The following ZNF185 variants were observed in gnomAD, a reference collection of about 807,000 sequenced individuals.
ZNF185 encodes the protein zinc finger protein 185 with LIM domain, also known as zinc finger protein 185.
ZNF185 carries 56 observed loss-of-function variants against 58.6 expected under a neutral mutation model. That is an observed-to-expected ratio of 0.95 (90% CI 0.77 to 1.19). ZNF185 has a LOEUF of 1.19. Among genes scored for constraint, ZNF185 ranks in the 50% most tolerant of loss-of-function variants. The pLI, the probability that ZNF185 is intolerant of heterozygous loss-of-function variation, is 0.00. For missense variants in ZNF185, 627 were observed against 573.5 expected (o/e 1.09, Z -0.95); for synonymous variants, 230 against 215.9 (o/e 1.07, Z -0.57).
intron 15 of ZNF185, 144 bp downstream of exon 17, chrX:152,938,307 C>G: frequency 7.9e-6 from 4 of 509,115 alleles, no homozygotes; most frequent in Non-Finnish European, 9.5e-6. Context: ...GAAGCCCCAA[C>G]CAGAACCCTC....
intron 18 of ZNF185, among the ~76,000 whole-genome samples, 175 bp downstream of exon 20, chrX:152,964,124 A>G (rs782356609): frequency 8.9e-6 from 1 of 112,468 alleles, no homozygotes; most frequent in African/African-American, 3.2e-5. Flanking sequence ...ATAAACTCCC[A>G]TCTACCGGGC....
At chrX:152,951,085 A>T (rs2048254930) in intron 16 of ZNF185, among the ~76,000 whole-genome samples, 1 of 92,402 alleles carries the variant, frequency 1.1e-5, no homozygotes, top group Non-Finnish European at 2.1e-5. Flanking sequence ...ATGATCAAGA[A>T]TTTTTTTTTT....
chrX:152,920,678 A>C (rs201795454), intron 8 of ZNF185, 29 bp from the exon 10 acceptor site: 1 of 1,210,669 alleles, frequency 8.3e-7, no homozygotes. Context: ...GGCTCTGCCC[A>C]AAGCATTGCC....
chrX:152,956,151 G>A (rs2048805499), intron 16 of ZNF185, among the ~76,000 whole-genome samples: 1 of 111,754 alleles, frequency 8.9e-6, no homozygotes, highest in Non-Finnish European at 1.9e-5. Flanking sequence ...TGAAACCTTT[G>A]AGAGAATACA....
intron 15 of ZNF185, among the ~76,000 whole-genome samples, chrX:152,939,166 G>A (rs145383105): frequency 3.6e-5 from 4 of 112,171 alleles, no homozygotes; most frequent in African/African-American, 1.3e-4. Context: ...ATGCATGTTT[G>A]CATTTTCATA....
upstream of ZNF185, among the ~76,000 whole-genome samples, chrX:152,909,723 C>T (rs1936841426): frequency 8.9e-6 from 1 of 112,198 alleles, no homozygotes; most frequent in Admixed American, 9.4e-5. Flanking sequence ...GGAAGAGGCC[C>T]AGGCTGCAGC....
intron 16 of ZNF185, 128 bp downstream of exon 18, chrX:152,945,592 T>C: frequency 1.3e-6 from 1 of 756,724 alleles, no homozygotes; most frequent in Admixed American, 3.8e-5. Context: ...CAGGCTCCTG[T>C]TCTGTGAGTG....
chrX:152,917,878 C>T (rs1398640926), intron 5 of ZNF185, 187 bp from the exon 7 acceptor site: 40 of 1,079,738 alleles, frequency 3.7e-5, no homozygotes, highest in Admixed American at 7.7e-5. Context: ...CCCTGAAGCT[C>T]GGTGGGGTTT....
rs144502717 is a variant in ZNF185, at chrX:152,927,227, A to G, written c.831-1348A>G. 1.2e-4 allele frequency among the ~76,000 whole-genome samples: 13 copies of G among 112,704 alleles called. No individual in the cohort carries two copies. In the East Asian group the frequency reaches 3.1e-3, roughly 27 times the overall value. On this transcript the variant is annotated intron_variant, in intron 11 of 22. Coordinates refer to ENST00000449285, the Ensembl canonical transcript of ZNF185. ...TGACATCATCCTCAACAACGATGTC[A>G]TCGTCGTTATCACGAGAGGAGATGG... is the stretch of plus-strand genomic sequence containing the variant.
At chrX:152,912,918 T>G (rs1405168877), upstream of ZNF185, among the ~76,000 whole-genome samples, 1 of 112,840 alleles carries the variant, frequency 8.9e-6, no homozygotes, top group Non-Finnish European at 1.9e-5. Flanking sequence ...CGTGGCAGCT[T>G]TGGTGCAGGG....
intron 12 of ZNF185, among the ~76,000 whole-genome samples, chrX:152,930,387 C>T (rs1234400764): frequency 8.9e-6 from 1 of 112,036 alleles, no homozygotes; most frequent in Non-Finnish European, 1.9e-5. Context: ...TATATGCAGA[C>T]AGAATAGAGC....
chrX:152,912,251 C>T (rs782162997), upstream of ZNF185, among the ~76,000 whole-genome samples: 2 of 112,476 alleles, frequency 1.8e-5, no homozygotes, highest in Non-Finnish European at 3.8e-5. Flanking sequence ...GCAATAAACC[C>T]GGAGTCTTCT....
chrX:152,914,843 G>A lies in ZNF185; in HGVS notation c.158+10G>A. On this transcript the variant is annotated intron_variant, in intron 2 of 22. Transcript: ENST00000449285. ...CGGAGGGTCGCACCATGTAAGGCAA[G>A]GAGGCGGGGAGGGACCGCAGCAACG... 1 of 1,177,541 alleles carries A rather than the reference G, an allele frequency of 8.5e-7. No homozygotes were observed. Among genetic ancestry groups the A allele is most frequent in the Non-Finnish European group, 1.1e-6 (1 of 878,449 alleles).
chrX:152,938,376 A>G (rs1603262009), intron 15 of ZNF185, among the ~76,000 whole-genome samples: 2 of 112,428 alleles, frequency 1.8e-5, no homozygotes, highest in Admixed American at 9.3e-5. Context: ...GAAATACATC[A>G]TAGTCAGAAA....
chrX:152,901,547 C>T, the ZNF185 span, among the ~76,000 whole-genome samples: 1 of 111,201 alleles, frequency 9.0e-6, no homozygotes, highest in Non-Finnish European at 1.9e-5. Flanking sequence ...AACATTTTGC[C>T]ACATTTCTCA....
At chrX:152,943,377 G>A (rs955075985) in intron 15 of ZNF185, among the ~76,000 whole-genome samples, 2 of 112,021 alleles carry the variant, frequency 1.8e-5, no homozygotes, top group Non-Finnish European at 3.8e-5. Flanking sequence ...TTAGGCTACT[G>A]GATCTTTGGT....
the ZNF185 span, among the ~76,000 whole-genome samples, chrX:152,909,409 G>T: frequency 8.9e-6 from 1 of 112,461 alleles, no homozygotes; most frequent in South Asian, 3.7e-4. Context: ...TTGCCCCCTG[G>T]AGTACTTTGC....
chrX:152,969,519 G>A (rs782224875), intron 21 of ZNF185, 35 bp downstream of exon 23: 49 of 1,082,358 alleles, frequency 4.5e-5, no homozygotes, highest in Non-Finnish European at 6.1e-5. Context: ...TGAGCTAGGC[G>A]GTAACTCCTG....
chrX:152,910,769 A>G (rs1419264572), upstream of ZNF185, among the ~76,000 whole-genome samples: 1 of 111,863 alleles, frequency 8.9e-6, no homozygotes, highest in Non-Finnish European at 1.9e-5. Context: ...TACATACAGA[A>G]ACTCATTCTG....
Sources: gnomAD v4.1 joint callset for allele counts (sites outside exome capture counted in the v4.1 genomes callset) on GRCh38, gnomAD v4.1.1 for gene constraint, MANE v1.5 for transcripts, NCBI Gene and HGNC (gene_info 2026-07-23, HGNC 2026-07-21) for gene names.